THSD7A: variants seen among roughly 807,000 people sequenced by gnomAD.
THSD7A encodes the protein thrombospondin type-1 domain-containing protein 7A.
THSD7A carries 96 observed loss-of-function variants against 231.3 expected under a neutral mutation model. That is an observed-to-expected ratio of 0.41 (90% CI 0.35 to 0.49). The LOEUF is 0.49. Among genes scored for constraint, THSD7A ranks in the 20% least tolerant of loss-of-function variants. The pLI is 0.05. For synonymous variants in THSD7A, 940 were observed against 743.3 expected, an observed-to-expected ratio of 1.26 and a Z score of -4.30; for missense variants, 2,290 against 2,070.2, an observed-to-expected ratio of 1.11 and a Z score of -2.06.
At chr7:11,776,637 T>A (rs1783415483) in intron 1 of THSD7A, among the ~76,000 whole-genome samples, 1 of 152,210 alleles carries the variant, frequency 6.6e-6, no homozygotes, top group Non-Finnish European at 1.5e-5. Flanking sequence ...ATTTTGTCAT[T>A]AATTCTTTAT....
At chr7:11,644,248 A>C (rs1016516098) in intron 1 of THSD7A, among the ~76,000 whole-genome samples, 3 of 151,952 alleles carry the variant, frequency 2.0e-5, no homozygotes, top group African/African-American at 7.2e-5. Context: ...TGTGATCTTA[A>C]ATGTCTGTCT....
rs200769711 is a variant in THSD7A, at chr7:11,826,255, T to G, written c.190+5502A>C. Among the ~76,000 whole-genome samples the G allele has an allele frequency of 5.9e-5, 9 of 152,326 alleles. No individual in the cohort carries two copies. The East Asian group carries it at 1.4e-3, about 23-fold the overall frequency. ...AGAGAAAATGCATACCTGTAAATACTCTATCACCTCAATTCTAAATAATGG... is the reference window on the plus strand; with the variant it reads ...AGAGAAAATGCATACCTGTAAATACGCTATCACCTCAATTCTAAATAATGG... On this transcript the variant is annotated intron_variant, in intron 1 of 27. Coordinates refer to ENST00000423059, the MANE Select transcript of THSD7A (RefSeq NM_015204.3).
intron 6 of THSD7A, among the ~76,000 whole-genome samples, chr7:11,498,084 A>C (rs1330760931): frequency 6.6e-6 from 1 of 152,134 alleles, no homozygotes; most frequent in Non-Finnish European, 1.5e-5. Flanking sequence ...CTTCTGGCAA[A>C]AGTAGCTGCA....
intron 1 of THSD7A, among the ~76,000 whole-genome samples, chr7:11,684,805 A>T (rs1206372936): frequency 6.6e-6 from 1 of 152,048 alleles, no homozygotes; most frequent in Non-Finnish European, 1.5e-5. Context: ...TGTTCAAAGC[A>T]ATCTACAGAT....
intron 4 of THSD7A, among the ~76,000 whole-genome samples, chr7:11,563,884 C>A (rs1396400440): frequency 6.6e-6 from 1 of 152,146 alleles, no homozygotes; most frequent in Non-Finnish European, 1.5e-5. Flanking sequence ...CGTGTTCATG[C>A]TTGCTGCTTG....
chr7:11,417,986 A>G (rs1784018237), intron 16 of THSD7A, among the ~76,000 whole-genome samples: 1 of 152,222 alleles, frequency 6.6e-6, no homozygotes, highest in Non-Finnish European at 1.5e-5. Flanking sequence ...TAGAGGGCTT[A>G]CAATTTGGCA....
intron 1 of THSD7A, among the ~76,000 whole-genome samples, chr7:11,829,599 C>T (rs1048880307): frequency 3.2e-4 from 48 of 152,252 alleles, no homozygotes; most frequent in African/African-American, 1.1e-3. Flanking sequence ...CCCATTGGAA[C>T]AGATATTTTG....
At chr7:11,740,811 A>G (rs1300070248) in intron 1 of THSD7A, among the ~76,000 whole-genome samples, 2 of 152,014 alleles carry the variant, frequency 1.3e-5, no homozygotes, top group Non-Finnish European at 2.9e-5. Flanking sequence ...TTCTCTCCCT[A>G]GAACACAAAC....
intron 16 of THSD7A, among the ~76,000 whole-genome samples, chr7:11,420,725 G>T (rs1213337054): frequency 5.3e-5 from 8 of 152,276 alleles, no homozygotes; most frequent in Non-Finnish European, 4.4e-5. Flanking sequence ...TGTGCACCTG[G>T]AAAAGCTATA....
chr7:11,653,509 A>G (rs941830959), intron 1 of THSD7A, among the ~76,000 whole-genome samples: 1 of 146,794 alleles, frequency 6.8e-6, no homozygotes, highest in African/African-American at 2.5e-5. Flanking sequence ...TTCCCCAGAG[A>G]CAGAGTCTTG....
intron 1 of THSD7A, among the ~76,000 whole-genome samples, chr7:11,800,635 G>T (rs1405397722): frequency 6.6e-6 from 1 of 152,172 alleles, no homozygotes; most frequent in African/African-American, 2.4e-5. Context: ...GCCTCAGAGG[G>T]CATTTACTGT....
intron 24 of THSD7A, among the ~76,000 whole-genome samples, chr7:11,381,189 A>T (rs1248801211): frequency 6.6e-6 from 1 of 152,140 alleles, no homozygotes; most frequent in Non-Finnish European, 1.5e-5. Flanking sequence ...TTCTCACTCC[A>T]TACCTCTTAG....
At chr7:11,408,610 T>TTTTA (rs1783671046) in intron 19 of THSD7A, among the ~76,000 whole-genome samples, 2 of 152,232 alleles carry the variant, frequency 1.3e-5, no homozygotes, top group South Asian at 2.1e-4. Flanking sequence ...CCAAGACCTT[T>TTTTA]TTTATTTCTG....
chr7:11,831,661 C>A lies in THSD7A; in HGVS notation c.190+96G>T. On this transcript the variant is annotated intron_variant, in intron 1 of 27. Transcript: ENST00000423059. The surrounding 1 kb of genome is among the most constrained non-coding windows in gnomAD (Gnocchi z 5.0). ...ACCTTAGGATACCAGCATAACCAAG[C>A]CATCCAAAAGCACCGGGGTCCCTAC... is the stretch of plus-strand genomic sequence containing the variant. The A allele has an allele frequency of 1.1e-6, 1 of 889,896 alleles. No homozygotes were observed. The highest frequency in any genetic ancestry group is 1.5e-6 in the Non-Finnish European group (1 of 669,180). The allele number at this position is 889,896 out of a possible 1,614,324, so 55.1% of individuals were successfully genotyped here. A position where few individuals can be genotyped will look rare whatever the true frequency, so the allele number is the denominator to read the frequency against.
chr7:11,529,219 T>C (rs568175802), intron 6 of THSD7A, among the ~76,000 whole-genome samples: 1 of 152,292 alleles, frequency 6.6e-6, no homozygotes. Context: ...AGAGATATGT[T>C]TCTCTGTAAA....
At chr7:11,651,471 TCTATCTATCTATCAA>T (rs1782498662) in intron 1 of THSD7A, among the ~76,000 whole-genome samples, 2 of 138,698 alleles carry the variant, frequency 1.4e-5, no homozygotes, top group African/African-American at 5.5e-5. Flanking sequence ...CCATCTATTA[TCTATCTATCTATCAA>T]CTATCTATCT....
At chr7:11,576,895 A>G (rs1790934048) in intron 4 of THSD7A, among the ~76,000 whole-genome samples, 1 of 152,182 alleles carries the variant, frequency 6.6e-6, no homozygotes, top group Non-Finnish European at 1.5e-5. Context: ...GATGATTTTG[A>G]TAAACTTGTA....
intron 11 of THSD7A, among the ~76,000 whole-genome samples, chr7:11,456,776 C>A (rs1342837635): frequency 6.6e-6 from 1 of 151,902 alleles, no homozygotes; most frequent in Non-Finnish European, 1.5e-5. Context: ...TCTGATAAAA[C>A]TAATTACAAA....
chr7:11,742,070 A>G (rs1782132707), intron 1 of THSD7A, among the ~76,000 whole-genome samples: 1 of 151,946 alleles, frequency 6.6e-6, no homozygotes, highest in Admixed American at 6.6e-5. Flanking sequence ...TATTCCTTGA[A>G]GCAAAGTCTT....
Sources: allele counts gnomAD v4.1 joint callset (sites outside exome capture counted in the v4.1 genomes callset), GRCh38; gene constraint gnomAD v4.1.1; non-coding constraint Gnocchi (gnomAD v3.1); transcripts MANE v1.5; gene names NCBI Gene and HGNC (gene_info 2026-07-23, HGNC 2026-07-21).